Variants in GRM7 observed in about 807,000 individuals in gnomAD.
GRM7 encodes the protein glutamate metabotropic receptor 7.
A neutral mutation model predicts 84.5 loss-of-function variants in GRM7; 35 were observed. The ratio of observed to expected loss-of-function variants is 0.41; its 90% confidence interval spans 0.32 to 0.55. The LOEUF (loss-of-function observed/expected upper bound fraction) is 0.55, where lower values mean the gene tolerates loss of function less well. Ranked by LOEUF, GRM7 falls within the 20% of genes least tolerant of loss-of-function variation. The pLI, the probability that GRM7 is intolerant of heterozygous loss-of-function variation, is 0.19. For synonymous variants in GRM7, 487 were observed against 455.1 expected, an observed-to-expected ratio of 1.07 and a Z score of -0.89; for missense variants, 1,003 against 1,194.6, an observed-to-expected ratio of 0.84 and a Z score of 2.36.
chr3:7,375,993 C>G (rs577531614), intron 4 of GRM7, among the ~76,000 whole-genome samples: 6 of 152,166 alleles, frequency 3.9e-5, no homozygotes, highest in Admixed American at 6.5e-5. Context: ...ACCCAAGTGA[C>G]TATGAGTTAC....
At chr3:7,646,944 C>T (rs1394670308) in intron 8 of GRM7, among the ~76,000 whole-genome samples, 1 of 152,164 alleles carries the variant, frequency 6.6e-6, no homozygotes, top group East Asian at 1.9e-4. Context: ...GTCTGTGTCA[C>T]AAGGCTGCAT....
chr3:6,917,103 T>C (rs530302243), intron 1 of GRM7, among the ~76,000 whole-genome samples: 1 of 152,334 alleles, frequency 6.6e-6, no homozygotes, highest in East Asian at 1.9e-4. Flanking sequence ...TTAAAGTCTT[T>C]GTACCTCAGT....
At chr3:7,240,718 A>C (rs1052540949) in intron 2 of GRM7, among the ~76,000 whole-genome samples, 1 of 152,102 alleles carries the variant, frequency 6.6e-6, no homozygotes, top group Admixed American at 6.6e-5. Flanking sequence ...CTTCCACATG[A>C]AGGTAGCATG....
chr3:6,934,612 A>G (rs1262881601), intron 1 of GRM7, among the ~76,000 whole-genome samples: 2 of 152,136 alleles, frequency 1.3e-5, no homozygotes, highest in Admixed American at 1.3e-4. Context: ...TTGACAGACC[A>G]TGCTAGTGGA....
At chr3:7,348,390 A>T (rs943073035) in intron 4 of GRM7, among the ~76,000 whole-genome samples, 6 of 152,036 alleles carry the variant, frequency 3.9e-5, no homozygotes, top group African/African-American at 1.2e-4. Context: ...TATCCTGCTT[A>T]TATTTGTTGC....
At position 7,671,929 on chromosome 3, in the gene GRM7, T is replaced by A. The variant is rs558243442; in HGVS notation, c.2452-8120T>A. 2.0e-5 allele frequency among the ~76,000 whole-genome samples: 3 copies of A among 152,214 alleles called. No homozygotes were observed. The East Asian group carries it at 5.8e-4, about 29-fold the overall frequency. Reference sequence around the variant, plus strand: ...TAGTAACAAACTTCTTGGCATTGAATCTTGATTTTATCATTTGCCTGAGGT... The same window carrying A: ...TAGTAACAAACTTCTTGGCATTGAAACTTGATTTTATCATTTGCCTGAGGT... On this transcript the variant is annotated intron_variant, in intron 8 of 9. Transcript: ENST00000357716.
At chr3:7,325,943 C>A (rs1033948803) in intron 4 of GRM7, among the ~76,000 whole-genome samples, 8 of 151,990 alleles carry the variant, frequency 5.3e-5, no homozygotes, top group Non-Finnish European at 4.4e-5. Flanking sequence ...CAAAGCCAGA[C>A]CTGAATGTGT....
chr3:7,167,823 G>T (rs922143035), intron 2 of GRM7, among the ~76,000 whole-genome samples: 6 of 151,738 alleles, frequency 4.0e-5, no homozygotes, highest in Admixed American at 2.0e-4. Flanking sequence ...CAAAAGATTA[G>T]CTAGGCGTGG....
intron 2 of GRM7, among the ~76,000 whole-genome samples, chr3:7,162,291 C>G (rs895063226): frequency 1.3e-5 from 2 of 151,966 alleles, no homozygotes; most frequent in East Asian, 1.9e-4. Context: ...TGCCTGGGAA[C>G]TGAACCAACA....
chr3:7,380,453 A>G (rs1265905180), intron 4 of GRM7, among the ~76,000 whole-genome samples: 1 of 152,196 alleles, frequency 6.6e-6, no homozygotes, highest in South Asian at 2.1e-4. Flanking sequence ...GAAATGTTGC[A>G]TTTCCTGAGG....
intron 1 of GRM7, among the ~76,000 whole-genome samples, chr3:7,064,047 T>C (rs941493117): frequency 5.3e-5 from 8 of 151,650 alleles, no homozygotes; most frequent in African/African-American, 1.9e-4. Flanking sequence ...TGTTTTTATT[T>C]ATTTATTTAC....
rs976909257 is a variant in GRM7 at position 7,118,429 on chromosome 3, A to G, written c.520-28023A>G. On this transcript the variant is annotated intron_variant, in intron 1 of 9. Transcript: ENST00000357716. ...TAAATGGAAAAAATGAATAAAAAAT[A>G]AGAAACTTCACCATTATCTAAAATC... 4.6e-5 allele frequency among the ~76,000 whole-genome samples: 7 copies of G among 150,794 alleles called. No individual in the cohort carries two copies. In the Admixed American group the frequency reaches 4.7e-4, roughly 10 times the overall value.
chr3:7,711,365 G>T (rs925530627), intron 9 of GRM7, among the ~76,000 whole-genome samples: 3 of 152,148 alleles, frequency 2.0e-5, no homozygotes, highest in African/African-American at 7.2e-5. Flanking sequence ...AGGCCCTGAG[G>T]CAGGTACAGA....
At chr3:7,334,553 C>G (rs1174915362) in intron 4 of GRM7, among the ~76,000 whole-genome samples, 1 of 151,962 alleles carries the variant, frequency 6.6e-6, no homozygotes, top group Non-Finnish European at 1.5e-5. Context: ...ATGAATAGAA[C>G]AGTACCTCAT....
intron 4 of GRM7, among the ~76,000 whole-genome samples, chr3:7,402,070 T>TAATTGACTC (rs1470007486): frequency 3.3e-5 from 5 of 152,166 alleles, no homozygotes; most frequent in African/African-American, 1.2e-4. Context: ...TCTAGGACTC[T>TAATTGACTC]AATTGACTCA....
Position 7,238,558 on chromosome 3 carries a change from T to C in GRM7, c.737-60126T>C, listed in dbSNP as rs139593161. Among the ~76,000 whole-genome samples the C allele has an allele frequency of 1.4e-3, 220 of 152,216 alleles. 5 individuals are homozygous for C. Among genetic ancestry groups the C allele is most frequent in the East Asian group, 5.2e-3 (27 of 5,176 alleles). On this transcript the variant is annotated intron_variant, in intron 2 of 9. Coordinates refer to ENST00000357716, the MANE Select transcript of GRM7 (RefSeq NM_000844.4). The stretch of plus-strand genomic sequence containing the variant: ...CCTTTAGGATGAGGACCTTTTCTCC[T>C]TTCAAGGCTGTGTCCTCAGGCTTAG...
At chr3:7,259,653 G>A (rs894047831) in intron 2 of GRM7, among the ~76,000 whole-genome samples, 1 of 152,184 alleles carries the variant, frequency 6.6e-6, no homozygotes, top group African/African-American at 2.4e-5. Context: ...ATTAGATGGT[G>A]TATATGTACA....
At chr3:7,052,585 C>T (rs1250982743) in intron 1 of GRM7, among the ~76,000 whole-genome samples, 2 of 150,090 alleles carry the variant, frequency 1.3e-5, no homozygotes, top group Non-Finnish European at 1.5e-5. Context: ...AAGTCTGTGA[C>T]CACTAGTTAC....
intron 7 of GRM7, among the ~76,000 whole-genome samples, chr3:7,539,066 A>T (rs1692717704): frequency 6.6e-6 from 1 of 152,300 alleles, no homozygotes; most frequent in African/African-American, 2.4e-5. Context: ...TCTAAAATTA[A>T]CTTTCAGATG....
Sources: allele counts gnomAD v4.1 joint callset (sites outside exome capture counted in the v4.1 genomes callset), GRCh38; gene constraint gnomAD v4.1.1; transcripts MANE v1.5; gene names NCBI Gene and HGNC (gene_info 2026-07-23, HGNC 2026-07-21).